The following SCHIP1 variants were observed in gnomAD, a reference collection of about 807,000 sequenced individuals.
The protein encoded by SCHIP1 is schwannomin interacting protein 1.
Under a neutral mutation model 29.7 loss-of-function variants are expected in SCHIP1, and 8 were observed. That is an observed-to-expected ratio of 0.27 (90% CI 0.16 to 0.49). SCHIP1 has a LOEUF of 0.49. Ranked by LOEUF, SCHIP1 falls within the 20% of genes least tolerant of loss-of-function variation. The probability of loss-of-function intolerance (pLI) is 0.99; values close to 1 mark genes in which losing one functional copy is unlikely to be tolerated. For synonymous variants in SCHIP1, 76 were observed against 94.9 expected (o/e 0.80, Z 1.16); for missense variants, 193 against 294.6 (o/e 0.66, Z 2.52).
intron 1 of SCHIP1, among the ~76,000 whole-genome samples, chr3:159,850,597 TA>T (rs1303388231): frequency 7.8e-6 from 1 of 127,536 alleles, no homozygotes; most frequent in African/African-American, 2.7e-5. Context: ...AATTTATAAA[TA>T]AAAGAGGTTT....
the SCHIP1 span, among the ~76,000 whole-genome samples, chr3:159,654,801 G>GTAA: frequency 1.6e-5 from 1 of 64,346 alleles, no homozygotes; most frequent in African/African-American, 1.2e-4. Flanking sequence ...ATGACTTTAA[G>GTAA]TAAAAAAAAA....
the SCHIP1 span, among the ~76,000 whole-genome samples, chr3:159,377,945 A>G: frequency 6.6e-6 from 1 of 152,126 alleles, no homozygotes; most frequent in Non-Finnish European, 1.5e-5. Flanking sequence ...TCTTTGGTAA[A>G]TTTGCTGCAA....
At chr3:159,274,366 C>T in the SCHIP1 span, 2 of 976,224 alleles carry the variant, frequency 2.0e-6, no homozygotes, top group Non-Finnish European at 2.4e-6. Flanking sequence ...AATGTCAATA[C>T]ATGGGAGATA....
the SCHIP1 span, among the ~76,000 whole-genome samples, chr3:159,772,866 G>T: frequency 6.6e-6 from 1 of 151,940 alleles, no homozygotes; most frequent in Non-Finnish European, 1.5e-5. Context: ...TCAGCCTCCT[G>T]AGTAGCTGGG....
At chr3:159,769,425 G>A in the SCHIP1 span, among the ~76,000 whole-genome samples, 2 of 152,166 alleles carry the variant, frequency 1.3e-5, no homozygotes, top group African/African-American at 4.8e-5. Flanking sequence ...TGTCTCTGGA[G>A]ACTCAGCCTA....
chr3:159,432,286 ATGTGTGTGTGTGTGTGTGTGTGTG>A, the SCHIP1 span, among the ~76,000 whole-genome samples: 3 of 108,158 alleles, frequency 2.8e-5, no homozygotes, highest in African/African-American at 7.5e-5. Flanking sequence ...AGAGTAGGTG[ATGTGTGTGTGTGTGTGTGTGTGTG>A]TGTGTGTGTG....
the SCHIP1 span, among the ~76,000 whole-genome samples, chr3:159,794,929 G>A: frequency 6.6e-6 from 1 of 152,144 alleles, no homozygotes; most frequent in African/African-American, 2.4e-5. Context: ...CTCTTAAAAA[G>A]CATGAGCATC....
the SCHIP1 span, among the ~76,000 whole-genome samples, chr3:159,629,109 T>C: frequency 6.6e-6 from 1 of 152,034 alleles, no homozygotes; most frequent in Admixed American, 6.6e-5. Flanking sequence ...ATTCTGTATC[T>C]GTAACTCATC....
At chr3:159,329,468 C>T in the SCHIP1 span, among the ~76,000 whole-genome samples, 37,160 of 151,898 alleles carry the variant, frequency 0.24, 4,879 homozygotes, top group African/African-American at 0.33. Flanking sequence ...AGGTAACCAC[C>T]CCTCAACCTC....
the SCHIP1 span, among the ~76,000 whole-genome samples, chr3:159,741,807 G>A: frequency 6.6e-6 from 1 of 152,236 alleles, no homozygotes; most frequent in Non-Finnish European, 1.5e-5. Flanking sequence ...GGTTCCAGGA[G>A]TATGGATTTG....
intron 6 of SCHIP1, chr3:159,892,399 T>C (rs938327782): frequency 4.9e-6 from 3 of 616,226 alleles, no homozygotes; most frequent in Non-Finnish European, 5.7e-6. Flanking sequence ...ATCCCCCCCT[T>C]GTGATGAATT....
At chr3:159,532,386 C>T in the SCHIP1 span, among the ~76,000 whole-genome samples, 1 of 151,990 alleles carries the variant, frequency 6.6e-6, no homozygotes, top group Admixed American at 6.6e-5. Context: ...TGACCCATTA[C>T]CGAGAAAGAA....
chr3:159,676,217 CT>C, the SCHIP1 span, among the ~76,000 whole-genome samples: 1 of 152,154 alleles, frequency 6.6e-6, no homozygotes, highest in Admixed American at 6.5e-5. Flanking sequence ...CTTTACAGTT[CT>C]TTTCAAAAAT....
At chr3:159,579,018 A>G in the SCHIP1 span, among the ~76,000 whole-genome samples, 1 of 152,196 alleles carries the variant, frequency 6.6e-6, no homozygotes, top group African/African-American at 2.4e-5. Context: ...ACTGATCTAC[A>G]TAATTCATCC....
the SCHIP1 span, among the ~76,000 whole-genome samples, chr3:159,386,563 CA>C: frequency 0.027 from 4,129 of 152,046 alleles, 71 homozygotes; most frequent in East Asian, 0.11. Context: ...CATATGGAAC[CA>C]AAAAAGAGCC....
the SCHIP1 span, among the ~76,000 whole-genome samples, chr3:159,673,229 C>T: frequency 6.6e-6 from 1 of 152,124 alleles, no homozygotes; most frequent in East Asian, 1.9e-4. Flanking sequence ...AAGCTAATAC[C>T]TTCACAGAAA....
the SCHIP1 span, among the ~76,000 whole-genome samples, chr3:159,541,871 A>G: frequency 6.6e-6 from 1 of 152,104 alleles, no homozygotes; most frequent in Non-Finnish European, 1.5e-5. Context: ...AAAATCAGAA[A>G]TAATAAAGTT....
At chr3:159,472,987 T>C in the SCHIP1 span, among the ~76,000 whole-genome samples, 2 of 152,196 alleles carry the variant, frequency 1.3e-5, no homozygotes, top group African/African-American at 4.8e-5. Context: ...CCTGATTTAC[T>C]AGTCCCAGTG....
At chr3:159,887,508 T>C in intron 3 of SCHIP1, 200 bp from the exon 5 acceptor site, 1 of 604,774 alleles carries the variant, frequency 1.7e-6, no homozygotes, top group South Asian at 2.1e-5. Context: ...TATACTGCTC[T>C]CTCTGTTTAT....
Sources: allele counts gnomAD v4.1 joint callset (sites outside exome capture counted in the v4.1 genomes callset), GRCh38; gene constraint gnomAD v4.1.1; transcripts MANE v1.5; gene names NCBI Gene and HGNC (gene_info 2026-07-23, HGNC 2026-07-21).